CACNA1D: variants seen among roughly 807,000 people sequenced by gnomAD.
CACNA1D encodes the protein calcium voltage-gated channel subunit alpha1 D, also known as voltage-dependent L-type calcium channel subunit alpha-1D.
CACNA1D carries 55 observed loss-of-function variants against 257.1 expected under a neutral mutation model. The ratio of observed to expected loss-of-function variants is 0.21; its 90% CI spans 0.17 to 0.27. The LOEUF (loss-of-function observed/expected upper bound fraction) is 0.27, where lower values mean the gene tolerates loss of function less well. CACNA1D is among the 10% of genes least tolerant of loss of function. CACNA1D has a pLI of 1.00. For synonymous variants in CACNA1D, 980 were observed against 1,014.9 expected, an observed-to-expected ratio of 0.97 and a Z score of 0.65; for missense variants, 1,876 against 2,784.0, an observed-to-expected ratio of 0.67 and a Z score of 7.34.
Position 53,753,695 on chromosome 3 carries a change from A to G in CACNA1D, c.3786+13A>G. On this transcript the variant is annotated intron_variant, in intron 29 of 47. Coordinates refer to ENST00000350061, the MANE Select transcript of CACNA1D (RefSeq NM_001128840.3). ...ATTTAAGCCTAAGGTGAGTTGCAGA[A>G]CCCACTTTTCAAAGGTTGTTGCTGA... 1 of 1,517,106 alleles carries G rather than the reference A, an allele frequency of 6.6e-7. No homozygotes were observed. Among genetic ancestry groups the G allele is most frequent in the Non-Finnish European group, 9.2e-7 (1 of 1,091,320 alleles). 94.0% of individuals were successfully genotyped at this position (1,517,106 alleles called of 1,614,324 possible).
intron 40 of CACNA1D, among the ~76,000 whole-genome samples, chr3:53,787,684 C>G (rs1185587074): frequency 1.3e-5 from 2 of 152,024 alleles, no homozygotes; most frequent in East Asian, 1.9e-4. Context: ...GCCCAAAGCT[C>G]TGGGATGGGA....
intron 9 of CACNA1D, among the ~76,000 whole-genome samples, chr3:53,714,054 C>G (rs1192321791): frequency 1.3e-5 from 2 of 152,212 alleles, no homozygotes; most frequent in Non-Finnish European, 2.9e-5. Context: ...TCTCACAGGT[C>G]ACAGGCTTTC....
At chr3:53,540,285 ATT>A (rs111314846) in intron 3 of CACNA1D, among the ~76,000 whole-genome samples, 5 of 140,918 alleles carry the variant, frequency 3.5e-5, no homozygotes, top group Non-Finnish European at 4.7e-5. Flanking sequence ...TGCCCGGCTA[ATT>A]TTTTTTTTTT....
chr3:53,786,967 C>T lies in CACNA1D; in HGVS notation c.4923+15C>T, dbSNP rs1294744329. On this transcript the variant is annotated intron_variant, in intron 40 of 47. Coordinates refer to ENST00000350061, the MANE Select transcript of CACNA1D (RefSeq NM_001128840.3). ...TTGCCCTACAGGTGAATTGTTGTCT[C>T]ATTTTGTTTTCTCTTTTGACTAACG... 1.2e-6 allele frequency: 2 copies of T among 1,613,696 alleles called. No individual in the cohort carries two copies. Among genetic ancestry groups the T allele is most frequent in the Admixed American group, 1.7e-5 (1 of 60,014 alleles).
intron 8 of CACNA1D, among the ~76,000 whole-genome samples, chr3:53,681,530 GC>G (rs1284813524): frequency 6.6e-6 from 1 of 152,104 alleles, no homozygotes; most frequent in Non-Finnish European, 1.5e-5. Context: ...GCCCTGCTAG[GC>G]ACTGGGGTTA....
intron 20 of CACNA1D, among the ~76,000 whole-genome samples, chr3:53,737,712 A>G (rs2095072106): frequency 6.6e-6 from 1 of 152,248 alleles, no homozygotes; most frequent in Admixed American, 6.5e-5. Flanking sequence ...AATCCCAGCT[A>G]TGCAGGAGGC....
At chr3:53,600,494 A>G (rs892748450) in intron 3 of CACNA1D, among the ~76,000 whole-genome samples, 1 of 152,212 alleles carries the variant, frequency 6.6e-6, no homozygotes, top group Non-Finnish European at 1.5e-5. Flanking sequence ...TGAGATAGGA[A>G]CAGACAGGGA....
intron 3 of CACNA1D, among the ~76,000 whole-genome samples, chr3:53,525,094 G>A (rs1047001840): frequency 2.6e-5 from 4 of 152,108 alleles, no homozygotes; most frequent in Non-Finnish European, 5.9e-5. Flanking sequence ...GGGAAAATAA[G>A]TTTTCTGAAA....
intron 38 of CACNA1D, among the ~76,000 whole-genome samples, chr3:53,781,216 C>T (rs1208076897): frequency 6.6e-6 from 1 of 152,074 alleles, no homozygotes; most frequent in African/African-American, 2.4e-5. Flanking sequence ...TTGGAACAAC[C>T]CATGAAAGAG....
chr3:53,727,080 ATGG>A, intron 15 of CACNA1D, 81 bp downstream of exon 15: 4 of 1,521,716 alleles, frequency 2.6e-6, no homozygotes, highest in Non-Finnish European at 3.6e-6. Context: ...CTCTGTGGTG[ATGG>A]TGGTGGTAGT....
At chr3:53,700,781 T>C (rs1025254874) in intron 8 of CACNA1D, among the ~76,000 whole-genome samples, 4 of 151,820 alleles carry the variant, frequency 2.6e-5, no homozygotes, top group Admixed American at 6.5e-5. Flanking sequence ...GGACCAAGGA[T>C]AGGTTCCAGG....
rs182079114 is a variant in CACNA1D, at chr3:53,496,095, A to G, written c.67+862A>G. On this transcript the variant is annotated intron_variant, in intron 1 of 47. Coordinates refer to ENST00000350061, the MANE Select transcript of CACNA1D (RefSeq NM_001128840.3). ...CGCTCGCCCGCTTTGCCCTCTTCTC[A>G]GGCTTTCAGACCCGTGCTTGCTTTG... Among the ~76,000 whole-genome samples the G allele has an allele frequency of 2.8e-3, 432 of 152,272 alleles. 5 individuals are homozygous for G. The highest frequency in any genetic ancestry group is 0.01 in the African/African-American group (421 of 41,556).
intron 4 of CACNA1D, among the ~76,000 whole-genome samples, chr3:53,658,809 A>G (rs562052782): frequency 6.6e-6 from 1 of 152,246 alleles, no homozygotes; most frequent in African/African-American, 2.4e-5. Context: ...AGAGCTCACC[A>G]TCTGAAGCTT....
At chr3:53,762,693 G>A (rs1475805096) in intron 30 of CACNA1D, 2 of 449,880 alleles carry the variant, frequency 4.4e-6, no homozygotes, top group African/African-American at 4.0e-5. Context: ...TGACATAGAA[G>A]AGACTAGAGG....
Position 53,747,042 on chromosome 3 carries a change from G to A in CACNA1D, c.3168-260G>A, listed in dbSNP as rs2680669. 0.77 allele frequency among the ~76,000 whole-genome samples: 117,241 copies of A among 152,052 alleles called. 46,426 individuals are homozygous for A. Among genetic ancestry groups the A allele is most frequent in the East Asian group, 1 (5,175 of 5,178 alleles). ...GCTGTGGTTTTTATCGGCCAACGAC[G>A]TATGCCCGGTGTCTGGGTGGCTGCT... On this transcript the variant is annotated intron_variant, in intron 25 of 47. Transcript: ENST00000350061.
At chr3:53,496,130 T>G (rs894980202) in intron 1 of CACNA1D, among the ~76,000 whole-genome samples, 1 of 152,262 alleles carries the variant, frequency 6.6e-6, no homozygotes, top group African/African-American at 2.4e-5. Context: ...GACTCTTTAC[T>G]TAGCAATAAT....
intron 40 of CACNA1D, among the ~76,000 whole-genome samples, chr3:53,787,662 A>G (rs1020494544): frequency 2.0e-5 from 3 of 152,050 alleles, no homozygotes; most frequent in African/African-American, 7.3e-5. Flanking sequence ...AGGAATGTAG[A>G]AACCTAGGAA....
chr3:53,788,783 C>T (rs952061946), intron 40 of CACNA1D, among the ~76,000 whole-genome samples: 3 of 152,266 alleles, frequency 2.0e-5, no homozygotes, highest in South Asian at 4.1e-4. Flanking sequence ...CATAGTCTGT[C>T]ATCGATGGTT....
At chr3:53,681,493 C>T (rs1205810245) in intron 8 of CACNA1D, among the ~76,000 whole-genome samples, 1 of 152,034 alleles carries the variant, frequency 6.6e-6, no homozygotes, top group Non-Finnish European at 1.5e-5. Context: ...TTTTCAGTTC[C>T]TACACAGTGG....
Sources: allele counts gnomAD v4.1 joint callset (sites outside exome capture counted in the v4.1 genomes callset), GRCh38; gene constraint gnomAD v4.1.1; transcripts MANE v1.5; gene names NCBI Gene and HGNC (gene_info 2026-07-23, HGNC 2026-07-21).